ADAM12: variants seen among roughly 807,000 people sequenced by gnomAD.
ADAM12 encodes ADAM metallopeptidase domain 12.
In ADAM12, 70 loss-of-function variants were observed where a neutral mutation model predicts 106.4. That is an observed-to-expected ratio of 0.66 (90% CI 0.54 to 0.80). The LOEUF (loss-of-function observed/expected upper bound fraction) is 0.80, where lower values mean the gene tolerates loss of function less well. Among genes scored for constraint, ADAM12 ranks in the 30% least tolerant of loss-of-function variants. ADAM12 has a pLI of 0.00. For synonymous variants in ADAM12, 420 were observed against 433.5 expected (o/e 0.97, Z 0.39); for missense variants, 1,010 against 1,171.9 (o/e 0.86, Z 2.02).
At chr10:126,243,427 G>A (rs1175457784) in intron 3 of ADAM12, among the ~76,000 whole-genome samples, 1 of 151,882 alleles carries the variant, frequency 6.6e-6, no homozygotes, top group East Asian at 1.9e-4. Context: ...TTCCCCAGGA[G>A]GCAGGGACTA....
intron 1 of ADAM12, among the ~76,000 whole-genome samples, chr10:126,333,966 T>A (rs1352866526): frequency 6.6e-6 from 1 of 152,220 alleles, no homozygotes; most frequent in Non-Finnish European, 1.5e-5. Context: ...TGTACATGGA[T>A]AATCAAGCCA....
chr10:126,160,101 C>A (rs1049158144), intron 3 of ADAM12, among the ~76,000 whole-genome samples: 2 of 152,060 alleles, frequency 1.3e-5, no homozygotes, highest in Non-Finnish European at 1.5e-5. Flanking sequence ...TGTATCTTCT[C>A]AAGATATTTT....
chr10:126,101,079 G>A lies in ADAM12; in HGVS notation c.904C>T (p.Leu302Phe). The change falls in exon 9 of 23, where the codon CTT becomes TTT. Residue 302 changes from leucine to phenylalanine, a missense_variant. Around this residue, in one of 3 missense-constraint regions of ADAM12, gnomAD observed 391 missense variants for 442.9 expected, o/e 0.88. Transcript: ENST00000448723. ...LPRKSHDNAQ[L>F]VSGVYFQGTT... ...CAAGACGTAACTCCCTACCTGACAA[G>A]CTGCGCATTGTCATGGGATTTGCGA... 1.2e-6 allele frequency: 2 copies of A among 1,613,578 alleles called. No homozygotes were observed. Among genetic ancestry groups the A allele is most frequent in the South Asian group, 1.1e-5 (1 of 90,984 alleles).
At position 126,388,368 on chromosome 10, in the gene ADAM12, G is replaced by T; in HGVS notation, c.-223C>A. On this transcript the variant is annotated 5_prime_UTR_variant, in exon 1 of 23. Transcript: ENST00000448723. The surrounding 1 kb of genome is among the most constrained non-coding windows in gnomAD (Gnocchi z 4.4). ...TGTGTGTGCGTGCGTGCGCGCGCGC[G>T]CGCCGTTCTGGCACAAGCCAGCCTT... 1 of 549,724 alleles carries T rather than the reference G, an allele frequency of 1.8e-6. No homozygotes were observed. Among genetic ancestry groups the T allele is most frequent in the Non-Finnish European group, 2.6e-6 (1 of 385,380 alleles). The allele number at this position is 549,724 out of a possible 1,614,324, so 34.1% of individuals were successfully genotyped here. A position where few individuals can be genotyped will look rare whatever the true frequency, so the allele number is the denominator to read the frequency against.
At chr10:126,206,226 T>C (rs901637007) in intron 3 of ADAM12, among the ~76,000 whole-genome samples, 1 of 152,230 alleles carries the variant, frequency 6.6e-6, no homozygotes, top group Non-Finnish European at 1.5e-5. Context: ...AACTAGTCTA[T>C]AGAACTACCA....
At chr10:126,034,605 C>T (rs1351661264) in intron 21 of ADAM12, among the ~76,000 whole-genome samples, 1 of 151,978 alleles carries the variant, frequency 6.6e-6, no homozygotes, top group East Asian at 1.9e-4. Flanking sequence ...TCTAAACACA[C>T]CTATTAAAAT....
intron 11 of ADAM12, among the ~76,000 whole-genome samples, chr10:126,082,371 T>TTTTG (rs1383238743): frequency 2.1e-5 from 3 of 143,458 alleles, no homozygotes; most frequent in East Asian, 2.0e-4. Flanking sequence ...CTGTTTTTTT[T>TTTTG]TTTTTTTTTT....
At chr10:126,158,351 T>TGGG (rs1956859808) in intron 3 of ADAM12, among the ~76,000 whole-genome samples, 2 of 21,902 alleles carry the variant, frequency 9.1e-5, no homozygotes, top group Non-Finnish European at 2.4e-4. Context: ...GCACAGAGCA[T>TGGG]GAGGGATGCA....
intron 3 of ADAM12, among the ~76,000 whole-genome samples, chr10:126,260,695 T>C (rs1408509010): frequency 2.0e-5 from 3 of 152,210 alleles, no homozygotes; most frequent in East Asian, 1.9e-4. Flanking sequence ...AAGAGAAACA[T>C]TGCCACTGAA....
intron 11 of ADAM12, among the ~76,000 whole-genome samples, chr10:126,085,869 A>G (rs918394586): frequency 1.8e-4 from 27 of 152,140 alleles, no homozygotes; most frequent in Admixed American, 1.8e-3. Flanking sequence ...CAATAAACAA[A>G]ACACAAATTC....
In ADAM12 at chr10:126,029,231, A is replaced by C. The variant is rs180927254; in HGVS notation, c.2529+6915T>G. 7.2e-3 allele frequency among the ~76,000 whole-genome samples: 1,090 copies of C among 152,298 alleles called. 13 individuals are homozygous for C. Among genetic ancestry groups the C allele is most frequent in the African/African-American group, 0.025 (1,027 of 41,564 alleles). On this transcript the variant is annotated intron_variant, in intron 21 of 22. Transcript: ENST00000448723. ...CAGCAGAGATGCCATTTGACCCAGGAATCCCATTATTGGGTATATACCCAA... is the reference window on the plus strand; with the variant it reads ...CAGCAGAGATGCCATTTGACCCAGGCATCCCATTATTGGGTATATACCCAA...
At chr10:126,219,837 A>G (rs1343780585) in intron 3 of ADAM12, among the ~76,000 whole-genome samples, 2 of 152,186 alleles carry the variant, frequency 1.3e-5, no homozygotes, top group Admixed American at 1.3e-4. Flanking sequence ...AAAAAAAATT[A>G]TTGTCAGTTT....
intron 17 of ADAM12, among the ~76,000 whole-genome samples, chr10:126,044,360 C>A (rs1048933434): frequency 6.6e-6 from 1 of 151,928 alleles, no homozygotes; most frequent in African/African-American, 2.4e-5. Context: ...AAAAGAATTT[C>A]TGAAAAATTA....
intron 2 of ADAM12, among the ~76,000 whole-genome samples, chr10:126,280,821 T>A (rs900109496): frequency 3.3e-5 from 5 of 152,210 alleles, no homozygotes; most frequent in African/African-American, 1.2e-4. Flanking sequence ...TTGTTTTTGA[T>A]GGATTTACTC....
At chr10:126,266,532 T>C (rs1296054570) in intron 3 of ADAM12, among the ~76,000 whole-genome samples, 1 of 152,174 alleles carries the variant, frequency 6.6e-6, no homozygotes, top group Non-Finnish European at 1.5e-5. Context: ...AGAACAGCAC[T>C]CATGCTGTGA....
chr10:126,222,298 C>T (rs1019642616), intron 3 of ADAM12, among the ~76,000 whole-genome samples: 1 of 151,922 alleles, frequency 6.6e-6, no homozygotes, highest in Non-Finnish European at 1.5e-5. Flanking sequence ...GGGCAATTCG[C>T]CTTTGAGGTC....
Position 126,291,978 on chromosome 10 carries a change from C to CT in ADAM12, c.187-12991dup, listed in dbSNP as rs5788778. Among the ~76,000 whole-genome samples the CT allele has an allele frequency of 1.1e-4, 16 of 149,670 alleles. 1 individual carries two copies. Among genetic ancestry groups the CT allele is most frequent in the Admixed American group, 3.3e-4 (5 of 15,038 alleles). On this transcript the variant is annotated intron_variant, in intron 2 of 22. Coordinates refer to ENST00000448723, the MANE Select transcript of ADAM12 (RefSeq NM_001288973.2). ...TTTGCTAATGAAAATTGGGGTTCAG[C>CT]TTTTTTTTTTTCCCGTTGAAACATT...
intron 14 of ADAM12, among the ~76,000 whole-genome samples, chr10:126,051,148 A>T (rs1954471410): frequency 6.6e-6 from 1 of 152,156 alleles, no homozygotes; most frequent in East Asian, 1.9e-4. Context: ...GGAGAGCCTC[A>T]GTGTGGAACC....
intron 11 of ADAM12, among the ~76,000 whole-genome samples, chr10:126,078,667 A>C (rs543206254): frequency 1.3e-5 from 2 of 152,268 alleles, no homozygotes; most frequent in East Asian, 3.9e-4. Context: ...GCTAGGTGAT[A>C]TGGTGGTGCT....
Sources: allele counts gnomAD v4.1 joint callset (sites outside exome capture counted in the v4.1 genomes callset), GRCh38; gene constraint gnomAD v4.1.1; regional missense constraint gnomAD v4.1.1; non-coding constraint Gnocchi (gnomAD v3.1); transcripts MANE v1.5; gene names NCBI Gene and HGNC (gene_info 2026-07-23, HGNC 2026-07-21).